The following PCDHA12 variants were observed in gnomAD, a reference collection of about 807,000 sequenced individuals.
PCDHA12 encodes the protein protocadherin alpha-12.
A neutral mutation model predicts 60.0 loss-of-function variants in PCDHA12; 44 were observed. The ratio of observed to expected loss-of-function variants is 0.73; its 90% CI spans 0.58 to 0.94. PCDHA12 has a LOEUF of 0.94. PCDHA12 is among the 40% of genes least tolerant of loss of function. The pLI, the probability that PCDHA12 is intolerant of heterozygous loss-of-function variation, is 0.00. For missense variants in PCDHA12, 1,276 were observed against 1,239.7 expected (o/e 1.03, Z -0.44); for synonymous variants, 569 against 553.0 (o/e 1.03, Z -0.40).
intron 3 of PCDHA12, among the ~76,000 whole-genome samples, chr5:140,986,342 C>G (rs1390823261): frequency 4.6e-5 from 7 of 152,184 alleles, no homozygotes; most frequent in African/African-American, 1.7e-4. Flanking sequence ...ACAGTTGCAG[C>G]CTCTTCTTCA....
chr5:140,907,932 A>T (rs1291390398), intron 1 of PCDHA12, among the ~76,000 whole-genome samples: 1 of 152,202 alleles, frequency 6.6e-6, no homozygotes, highest in Non-Finnish European at 1.5e-5. Context: ...GTCCATTCAC[A>T]TACCTTTTCC....
intron 1 of PCDHA12, among the ~76,000 whole-genome samples, chr5:140,893,569 A>G (rs750933580): frequency 3.3e-5 from 5 of 152,120 alleles, no homozygotes; most frequent in Non-Finnish European, 7.4e-5. Flanking sequence ...GTACTTCCTC[A>G]GTTTTTGCTT....
At chr5:140,935,264 A>G (rs756476804) in intron 1 of PCDHA12, among the ~76,000 whole-genome samples, 3 of 152,196 alleles carry the variant, frequency 2.0e-5, no homozygotes, top group African/African-American at 7.2e-5. Context: ...TCACATGTTT[A>G]TACTAATCTA....
intron 1 of PCDHA12, among the ~76,000 whole-genome samples, chr5:140,970,397 T>C (rs2096402198): frequency 6.6e-6 from 1 of 152,218 alleles, no homozygotes; most frequent in Non-Finnish European, 1.5e-5. Flanking sequence ...GGAAAGTGGA[T>C]GGCTTACCCT....
At chr5:140,999,837 A>G (rs2097878885) in intron 3 of PCDHA12, among the ~76,000 whole-genome samples, 2 of 152,206 alleles carry the variant, frequency 1.3e-5, no homozygotes, top group South Asian at 2.1e-4. Flanking sequence ...AAATATGCCA[A>G]GTGTATTTAT....
intron 3 of PCDHA12, among the ~76,000 whole-genome samples, chr5:141,007,166 A>C (rs548434277): frequency 3.3e-5 from 5 of 152,294 alleles, no homozygotes; most frequent in Admixed American, 6.5e-5. Context: ...GAACAGTCAG[A>C]GAGAAAGGTC....
At chr5:140,946,631 T>TATATATATAC (rs57893927) in intron 1 of PCDHA12, among the ~76,000 whole-genome samples, 18,480 of 131,524 alleles carry the variant, frequency 0.14, 1,838 homozygotes, top group East Asian at 0.38. Context: ...TATATATATA[T>TATATATATAC]ACAATGGAAT....
chr5:140,975,953 T>C (rs1554237158), intron 1 of PCDHA12, among the ~76,000 whole-genome samples: 1 of 152,084 alleles, frequency 6.6e-6, no homozygotes, highest in East Asian at 1.9e-4. Flanking sequence ...CATATTAGAG[T>C]TCTTCACCAA....
chr5:140,884,547 C>G, intron 1 of PCDHA12: 1 of 1,614,214 alleles, frequency 6.2e-7, no homozygotes, highest in East Asian at 2.2e-5. Context: ...AGGGTGTGCT[C>G]TGGGGAGGGC....
chr5:140,880,739 A>G (rs1349403476), intron 1 of PCDHA12, among the ~76,000 whole-genome samples: 1 of 152,204 alleles, frequency 6.6e-6, no homozygotes, highest in South Asian at 2.1e-4. Context: ...GAGAAAATGG[A>G]TTGTCAGTGT....
chr5:140,903,415 A>T (rs1303652958), intron 1 of PCDHA12, among the ~76,000 whole-genome samples: 1 of 152,238 alleles, frequency 6.6e-6, no homozygotes, highest in East Asian at 1.9e-4. Flanking sequence ...GTCAGGAAAA[A>T]TTCAGCACAA....
At chr5:140,967,046 C>T in intron 1 of PCDHA12, 1 of 1,612,334 alleles carries the variant, frequency 6.2e-7, no homozygotes, top group African/African-American at 1.3e-5. Context: ...GGAGCTGGAC[C>T]TGACGAGTGG....
At chr5:141,003,053 C>T (rs1554258899) in intron 3 of PCDHA12, among the ~76,000 whole-genome samples, 3 of 152,206 alleles carry the variant, frequency 2.0e-5, no homozygotes, top group African/African-American at 7.2e-5. Flanking sequence ...CTTAACAGAA[C>T]AGTTCCAAAT....
In PCDHA12 at chr5:140,952,684, C is replaced by T. The variant is rs1165956619; in HGVS notation, c.2368-26265C>T. On this transcript the variant is annotated intron_variant, in intron 1 of 3. Coordinates refer to ENST00000398631, the MANE Select transcript of PCDHA12 (RefSeq NM_018903.4). The stretch of plus-strand genomic sequence containing the variant: ...AAAGTCACTTTCACATTTTCAGGAT[C>T]TTTATAGCAATATCCCACTCTCAGT... Among the ~76,000 whole-genome samples the T allele has an allele frequency of 2.0e-5, 3 of 152,308 alleles. No individual in the cohort carries two copies. The East Asian group carries it at 5.8e-4, about 29-fold the overall frequency.
chr5:140,973,406 T>C (rs1205127002), intron 1 of PCDHA12, among the ~76,000 whole-genome samples: 1 of 152,240 alleles, frequency 6.6e-6, no homozygotes, highest in Non-Finnish European at 1.5e-5. Flanking sequence ...ATCTATGAGC[T>C]TCCACTCCAG....
chr5:140,969,019 G>C lies in PCDHA12; in HGVS notation c.2368-9930G>C. 3.1e-6 allele frequency: 5 copies of C among 1,614,164 alleles called. No homozygotes were observed. The South Asian group carries it at 5.5e-5, about 18-fold the overall frequency. ...GAGGCTTCTGTGGAGTAAGGGAAAG[G>C]TCCCCTGCAGAACTGTACAAACAAG... On this transcript the variant is annotated intron_variant, in intron 1 of 3. Transcript: ENST00000398631.
At chr5:140,953,398 C>G (rs1247752047) in intron 1 of PCDHA12, among the ~76,000 whole-genome samples, 9 of 152,150 alleles carry the variant, frequency 5.9e-5, no homozygotes, top group Non-Finnish European at 7.3e-5. Flanking sequence ...GATTACAGTG[C>G]TGTTGCTCCT....
intron 1 of PCDHA12, among the ~76,000 whole-genome samples, chr5:140,974,870 A>G (rs781837180): frequency 9.9e-5 from 15 of 152,182 alleles, no homozygotes; most frequent in African/African-American, 1.4e-4. Context: ...AATGCGGAAC[A>G]GTCTATGTAT....
chr5:140,915,957 T>G (rs1476969057), intron 1 of PCDHA12, among the ~76,000 whole-genome samples: 4 of 151,934 alleles, frequency 2.6e-5, no homozygotes, highest in African/African-American at 4.8e-5. Flanking sequence ...TACTTAGAAA[T>G]TTGCCTGATA....
Sources: allele counts gnomAD v4.1 joint callset (sites outside exome capture counted in the v4.1 genomes callset), GRCh38; gene constraint gnomAD v4.1.1; transcripts MANE v1.5; gene names NCBI Gene and HGNC (gene_info 2026-07-23, HGNC 2026-07-21).